PRICKLE2: variants seen among roughly 807,000 people sequenced by gnomAD.
PRICKLE2 encodes prickle planar cell polarity protein 2.
A neutral mutation model predicts 81.4 loss-of-function variants in PRICKLE2; 21 were observed. The observed-to-expected ratio is 0.26, with a 90% CI of 0.18 to 0.37. The LOEUF is 0.37. Among genes scored for constraint, PRICKLE2 ranks in the 10% least tolerant of loss-of-function variants. The pLI is 1.00. For missense variants in PRICKLE2, 940 were observed against 1,109.0 expected, an observed-to-expected ratio of 0.85 and a Z score of 2.16; for synonymous variants, 456 against 421.5, an observed-to-expected ratio of 1.08 and a Z score of -1.00.
chr3:64,114,922 A>G (rs1434035496), intron 7 of PRICKLE2, among the ~76,000 whole-genome samples: 1 of 152,190 alleles, frequency 6.6e-6, no homozygotes, highest in African/African-American at 2.4e-5. Flanking sequence ...TCAAAATAAA[A>G]GAAAAAAATG....
chr3:64,167,078 G>A (rs908088908), intron 2 of PRICKLE2, among the ~76,000 whole-genome samples: 17 of 152,178 alleles, frequency 1.1e-4, no homozygotes, highest in African/African-American at 4.1e-4. Context: ...AGTGAACCAA[G>A]GGTAATGGGA....
intron 2 of PRICKLE2, among the ~76,000 whole-genome samples, chr3:64,260,083 A>T (rs189615507): frequency 2.8e-4 from 42 of 152,250 alleles, no homozygotes; most frequent in African/African-American, 9.9e-4. Flanking sequence ...GGGTTTCTTT[A>T]TGATTGGACT....
rs759205562 is a variant in PRICKLE2, at chr3:64,147,629, G to C, written c.861C>G (p.His287Gln). The change falls in exon 7 of 8, where the codon CAC becomes CAG. Residue 287 changes from histidine to glutamine, a missense_variant. Transcript: ENST00000638394. The surrounding 1 kb of genome is among the most constrained non-coding windows in gnomAD (Gnocchi z 5.0). ...HATETCFCCA[H>Q]CKKSLLGRPF... Reference sequence around the variant, plus strand: ...GCCGCCCCAGGAGGGATTTCTTGCAGTGAGCACAGCAGAAACAGGTCTCAG... The same window carrying C: ...GCCGCCCCAGGAGGGATTTCTTGCACTGAGCACAGCAGAAACAGGTCTCAG... 1.9e-6 allele frequency: 3 copies of C among 1,614,034 alleles called. No homozygotes were observed. Among genetic ancestry groups the C allele is most frequent in the Non-Finnish European group, 2.5e-6 (3 of 1,180,048 alleles).
chr3:64,225,788 C>A (rs534469549), upstream of PRICKLE2, among the ~76,000 whole-genome samples: 2 of 152,114 alleles, frequency 1.3e-5, no homozygotes, highest in African/African-American at 4.8e-5. Flanking sequence ...TCAACCTGAG[C>A]GCCTGTTTCA....
chr3:64,210,544 G>A (rs192771031), intron 1 of PRICKLE2, among the ~76,000 whole-genome samples: 143 of 152,286 alleles, frequency 9.4e-4, no homozygotes, highest in African/African-American at 3.2e-3. Flanking sequence ...GGGCTCCAGC[G>A]GCTCTGGCCA....
chr3:64,172,429 C>T (rs2077948233), intron 2 of PRICKLE2, among the ~76,000 whole-genome samples: 1 of 152,328 alleles, frequency 6.6e-6, no homozygotes, highest in South Asian at 2.1e-4. Context: ...CTTGTTTGGA[C>T]TCTGCAGTCA....
At chr3:64,253,622 T>C (rs144996260) in intron 2 of PRICKLE2, among the ~76,000 whole-genome samples, 1 of 152,350 alleles carries the variant, frequency 6.6e-6, no homozygotes, top group Non-Finnish European at 1.5e-5. Context: ...ACCTTCGACA[T>C]GCCTTATTTG....
At chr3:64,134,492 A>C (rs1255847140) in intron 7 of PRICKLE2, among the ~76,000 whole-genome samples, 2 of 152,116 alleles carry the variant, frequency 1.3e-5, no homozygotes, top group Non-Finnish European at 2.9e-5. Flanking sequence ...TTCTTTGTTG[A>C]CTGGGTATAG....
At chr3:64,116,504 C>G (rs1237168727) in intron 7 of PRICKLE2, among the ~76,000 whole-genome samples, 1 of 151,964 alleles carries the variant, frequency 6.6e-6, no homozygotes, top group Non-Finnish European at 1.5e-5. Flanking sequence ...TCAGAAATGA[C>G]AAGAAGGATA....
intron 2 of PRICKLE2, among the ~76,000 whole-genome samples, chr3:64,197,737 T>C (rs931234455): frequency 7.3e-5 from 11 of 151,634 alleles, no homozygotes; most frequent in Non-Finnish European, 1.6e-4. Context: ...TCAGGAAAAA[T>C]AACTAATGGG....
At chr3:64,194,464 G>C (rs1276829160) in intron 2 of PRICKLE2, among the ~76,000 whole-genome samples, 3 of 152,170 alleles carry the variant, frequency 2.0e-5, no homozygotes, top group Non-Finnish European at 1.5e-5. Context: ...CTGGAGACAT[G>C]TTTGGTTACC....
chr3:64,205,217 T>C (rs2078663082), intron 1 of PRICKLE2, among the ~76,000 whole-genome samples: 1 of 152,040 alleles, frequency 6.6e-6, no homozygotes, highest in African/African-American at 2.4e-5. Context: ...AGGCATGATT[T>C]AGAGAGAGGA....
chr3:64,146,467 G>A, intron 7 of PRICKLE2: 1 of 254,292 alleles, frequency 3.9e-6, no homozygotes. Context: ...GACCAGGCTG[G>A]GCACGGTGGC....
At chr3:64,261,259 A>C (rs1373054195) in intron 2 of PRICKLE2, among the ~76,000 whole-genome samples, 1 of 152,200 alleles carries the variant, frequency 6.6e-6, no homozygotes, top group Non-Finnish European at 1.5e-5. Flanking sequence ...GGAAAGGAGG[A>C]GAGTAATAAA....
At chr3:64,153,687 T>C (rs1291853456) in intron 5 of PRICKLE2, 9 of 339,800 alleles carry the variant, frequency 2.6e-5, no homozygotes, top group Non-Finnish European at 5.0e-5. Flanking sequence ...ACATTGGACA[T>C]ACATATCTGC....
At chr3:64,207,091 G>A (rs558344186) in intron 1 of PRICKLE2, among the ~76,000 whole-genome samples, 1 of 152,186 alleles carries the variant, frequency 6.6e-6, no homozygotes, top group East Asian at 1.9e-4. Context: ...GTAGATATGA[G>A]GTTTCACCAT....
At chr3:64,151,177 G>A (rs1198133654) in intron 6 of PRICKLE2, among the ~76,000 whole-genome samples, 1 of 152,222 alleles carries the variant, frequency 6.6e-6, no homozygotes, top group Non-Finnish European at 1.5e-5. Context: ...CAGAGGTAAA[G>A]CACCCAGTGA....
At chr3:64,229,382 T>G (rs1394644747), upstream of PRICKLE2, among the ~76,000 whole-genome samples, 1 of 152,150 alleles carries the variant, frequency 6.6e-6, no homozygotes, top group East Asian at 1.9e-4. Context: ...GCCTCCTAGA[T>G]GAAGAGCTGT....
intron 2 of PRICKLE2, among the ~76,000 whole-genome samples, chr3:64,255,302 A>T (rs1240480026): frequency 6.6e-6 from 1 of 152,126 alleles, no homozygotes. Context: ...GAATCTCAAG[A>T]TTTGCATTTA....
Sources: allele counts gnomAD v4.1 joint callset (sites outside exome capture counted in the v4.1 genomes callset), GRCh38; gene constraint gnomAD v4.1.1; non-coding constraint Gnocchi (gnomAD v3.1); transcripts MANE v1.5; gene names NCBI Gene and HGNC (gene_info 2026-07-23, HGNC 2026-07-21).